Variants in CTNNA3 observed in about 807,000 individuals in gnomAD.
The protein encoded by CTNNA3 is catenin alpha-3.
Under a neutral mutation model 95.7 loss-of-function variants are expected in CTNNA3, and 76 were observed. The observed-to-expected ratio is 0.79, with a 90% CI of 0.66 to 0.96. The LOEUF is 0.96. Among genes scored for constraint, CTNNA3 ranks in the 40% least tolerant of loss-of-function variants. CTNNA3 has a pLI of 0.00. For synonymous variants in CTNNA3, 431 were observed against 374.4 expected (o/e 1.15, Z -1.74); for missense variants, 1,191 against 1,089.8 (o/e 1.09, Z -1.31).
chr10:66,242,587 A>G (rs1456347774), intron 13 of CTNNA3, among the ~76,000 whole-genome samples: 1 of 152,212 alleles, frequency 6.6e-6, no homozygotes, highest in Non-Finnish European at 1.5e-5. Flanking sequence ...AGGAGATACT[A>G]TTTTACACTT....
chr10:67,758,205 C>T (rs1265467647), intron 1 of CTNNA3, among the ~76,000 whole-genome samples: 2 of 151,862 alleles, frequency 1.3e-5, no homozygotes, highest in East Asian at 3.9e-4. Flanking sequence ...CTCCAGCTTG[C>T]GGATGGCAGA....
At chr10:67,236,621 C>G (rs895907195) in intron 5 of CTNNA3, among the ~76,000 whole-genome samples, 1 of 151,586 alleles carries the variant, frequency 6.6e-6, no homozygotes, top group South Asian at 2.1e-4. Context: ...TGTAACTAAC[C>G]TGCACATTGT....
chr10:66,601,821 C>G (rs1843936039), intron 10 of CTNNA3, among the ~76,000 whole-genome samples: 1 of 151,792 alleles, frequency 6.6e-6, no homozygotes, highest in Non-Finnish European at 1.5e-5. Context: ...CTTTTTAACA[C>G]TACCTTTCCC....
chr10:66,184,440 C>G (rs537450709), intron 13 of CTNNA3, among the ~76,000 whole-genome samples: 32 of 152,116 alleles, frequency 2.1e-4, no homozygotes, highest in African/African-American at 7.2e-4. Context: ...ATATTATAAC[C>G]TAAAAATGTT....
intron 9 of CTNNA3, among the ~76,000 whole-genome samples, chr10:66,725,529 G>A (rs1036147191): frequency 1.3e-5 from 2 of 152,096 alleles, no homozygotes; most frequent in Non-Finnish European, 2.9e-5. Context: ...CTAAAGTGCT[G>A]TAAAGTAGAG....
rs560440698 is a variant in CTNNA3 at position 66,223,858 on chromosome 10, T to A, written c.1884+56612A>T. On this transcript the variant is annotated intron_variant, in intron 13 of 17. Transcript: ENST00000433211. ...CAGTTACGTAGCTTACCCTTCACAATGTGGTTGGGCATCATCCAAGTCTTT... is the reference window on the plus strand; with the variant it reads ...CAGTTACGTAGCTTACCCTTCACAAAGTGGTTGGGCATCATCCAAGTCTTT... Among the ~76,000 whole-genome samples, 25 of 148,924 alleles carry A rather than the reference T, an allele frequency of 1.7e-4. No homozygotes were observed. In the South Asian group the frequency reaches 5.5e-3, roughly 33 times the overall value.
chr10:67,094,832 T>C (rs760298126), intron 7 of CTNNA3, among the ~76,000 whole-genome samples: 2 of 151,712 alleles, frequency 1.3e-5, no homozygotes, highest in African/African-American at 2.4e-5. Context: ...TGTACACACA[T>C]GTGCATACAT....
intron 9 of CTNNA3, among the ~76,000 whole-genome samples, chr10:66,630,504 A>G (rs1258199008): frequency 6.6e-6 from 1 of 152,156 alleles, no homozygotes; most frequent in Non-Finnish European, 1.5e-5. Flanking sequence ...ATTTATTTTT[A>G]ATCAAGTAAA....
rs117826445 is a variant in CTNNA3 at position 66,482,229 on chromosome 10, T to C, written c.1531+38388A>G. Among the ~76,000 whole-genome samples the C allele has an allele frequency of 6.0e-3, 916 of 152,274 alleles. 9 individuals carry two copies. The highest frequency in any genetic ancestry group is 8.0e-3 in the Non-Finnish European group (542 of 68,010). ...TTGAGCATATCATATTGAAAACAAGTATTCATTGTTTTTGGAGAAAAACCA... is the reference window on the plus strand; with the variant it reads ...TTGAGCATATCATATTGAAAACAAGCATTCATTGTTTTTGGAGAAAAACCA... On this transcript the variant is annotated intron_variant, in intron 11 of 17. Transcript: ENST00000433211.
At chr10:67,083,430 G>GCCAC (rs1857146645) in intron 7 of CTNNA3, among the ~76,000 whole-genome samples, 1 of 151,534 alleles carries the variant, frequency 6.6e-6, no homozygotes, top group Non-Finnish European at 1.5e-5. Flanking sequence ...TATCTTCCTG[G>GCCAC]CCACCCCCAC....
In CTNNA3 at chr10:67,234,416, A is replaced by T. The variant is rs191898308; in HGVS notation, c.580-14546T>A. Among the ~76,000 whole-genome samples the T allele has an allele frequency of 1.1e-3, 166 of 152,364 alleles. 1 individual carries two copies. Among genetic ancestry groups the T allele is most frequent in the African/African-American group, 3.8e-3 (157 of 41,590 alleles). On this transcript the variant is annotated intron_variant, in intron 5 of 17. Transcript: ENST00000433211. ...AAACAGAAGCAAAGACAAAAACCAC[A>T]TGATTATCTCAACAGATGCAGAAAA...
At chr10:67,188,071 T>TG (rs1862943885) in intron 6 of CTNNA3, among the ~76,000 whole-genome samples, 1 of 152,216 alleles carries the variant, frequency 6.6e-6, no homozygotes, top group Non-Finnish European at 1.5e-5. Context: ...AACTTAACAC[T>TG]ATTAACCAAG....
At chr10:67,168,733 T>C (rs1018625951) in intron 7 of CTNNA3, among the ~76,000 whole-genome samples, 1 of 152,154 alleles carries the variant, frequency 6.6e-6, no homozygotes, top group Non-Finnish European at 1.5e-5. Context: ...AAGATAAGAA[T>C]GCTCTCTTGC....
intron 12 of CTNNA3, among the ~76,000 whole-genome samples, chr10:66,288,131 G>A (rs2091621628): frequency 6.6e-6 from 1 of 151,994 alleles, no homozygotes; most frequent in Admixed American, 6.6e-5. Context: ...AGATATATAT[G>A]TGTATTATTT....
intron 14 of CTNNA3, among the ~76,000 whole-genome samples, chr10:66,076,681 A>G (rs1030660878): frequency 3.3e-5 from 5 of 151,732 alleles, no homozygotes; most frequent in Admixed American, 2.0e-4. Context: ...GTCGAAACAG[A>G]GTAAATTATC....
intron 11 of CTNNA3, among the ~76,000 whole-genome samples, chr10:66,490,701 G>A (rs1839893438): frequency 6.6e-6 from 1 of 152,030 alleles, no homozygotes; most frequent in African/African-American, 2.4e-5. Flanking sequence ...GTGGTAGCAG[G>A]GCCATGGGAA....
rs777186521 is a variant in CTNNA3, at chr10:65,919,044, A to C, written c.*1286T>G. The stretch of plus-strand genomic sequence containing the variant: ...ATGTAGAATAGAAAATGTTTTTTAA[A>C]GTCTGTGAATCAGAACTCTATGAAT... On this transcript the variant is annotated 3_prime_UTR_variant, in exon 18 of 18. Transcript: ENST00000433211. 2.6e-5 allele frequency: 4 copies of C among 152,176 alleles called. No individual in the cohort carries two copies. The highest frequency in any genetic ancestry group is 4.4e-5 in the Non-Finnish European group (3 of 68,010). The allele number at this position is 152,176 out of a possible 1,614,324, so 9.4% of individuals were successfully genotyped here. A position where few individuals can be genotyped will look rare whatever the true frequency, so the allele number is the denominator to read the frequency against.
chr10:67,009,027 G>A (rs924845100), intron 7 of CTNNA3, among the ~76,000 whole-genome samples: 2 of 151,982 alleles, frequency 1.3e-5, no homozygotes, highest in Non-Finnish European at 2.9e-5. Context: ...TAGGATTTTG[G>A]TATTTAATAA....
chr10:66,749,202 C>CAAAAAAAAAAA (rs35568730), intron 9 of CTNNA3, among the ~76,000 whole-genome samples: 11 of 50,888 alleles, frequency 2.2e-4, no homozygotes, highest in African/African-American at 2.4e-4. Context: ...AACTCCAACT[C>CAAAAAAAAAAA]AAAAAAAAAA....
Sources: gnomAD v4.1 joint callset for allele counts (sites outside exome capture counted in the v4.1 genomes callset) on GRCh38, gnomAD v4.1.1 for gene constraint, MANE v1.5 for transcripts, NCBI Gene and HGNC (gene_info 2026-07-23, HGNC 2026-07-21) for gene names.